The following PID1 variants were observed in gnomAD, a reference collection of about 807,000 sequenced individuals.
PID1 encodes PTB-containing, cubilin and LRP1-interacting protein.
Under a neutral mutation model 19.1 loss-of-function variants are expected in PID1, and 10 were observed. The ratio of observed to expected loss-of-function variants is 0.52; its 90% confidence interval spans 0.32 to 0.89. The LOEUF (loss-of-function observed/expected upper bound fraction) is 0.89. Ranked by LOEUF, PID1 falls within the 40% of genes least tolerant of loss-of-function variation. PID1 has a pLI of 0.03. For missense variants in PID1, 248 were observed against 285.3 expected (o/e 0.87, Z 0.94); for synonymous variants, 130 against 116.0 (o/e 1.12, Z -0.78).
At chr2:229,266,890 G>T (rs996889311) in intron 1 of PID1, among the ~76,000 whole-genome samples, 1 of 152,156 alleles carries the variant, frequency 6.6e-6, no homozygotes, top group African/African-American at 2.4e-5. Flanking sequence ...GGTCAGCCTG[G>T]AAAAGTATCA....
chr2:229,215,587 C>T (rs767130576), intron 1 of PID1, among the ~76,000 whole-genome samples: 4 of 152,162 alleles, frequency 2.6e-5, no homozygotes, highest in African/African-American at 4.8e-5. Context: ...CTGGGCGTTC[C>T]TACACTCAAC....
chr2:229,032,828 G>T (rs1252172010), intron 2 of PID1, among the ~76,000 whole-genome samples: 2 of 152,156 alleles, frequency 1.3e-5, no homozygotes, highest in Admixed American at 6.5e-5. Flanking sequence ...AAATGGACCT[G>T]CCCAACCCCA....
At chr2:229,107,397 G>T (rs1447392193) in intron 2 of PID1, among the ~76,000 whole-genome samples, 1 of 150,616 alleles carries the variant, frequency 6.6e-6, no homozygotes, top group African/African-American at 2.4e-5. Context: ...GGGAATAGGA[G>T]ACAATGAAAT....
At chr2:229,180,234 G>T (rs74846892) in intron 1 of PID1, among the ~76,000 whole-genome samples, 39 of 152,148 alleles carry the variant, frequency 2.6e-4, no homozygotes, top group African/African-American at 7.5e-4. Context: ...GATATTGGTC[G>T]ACTCATCAAA....
intron 2 of PID1, among the ~76,000 whole-genome samples, chr2:229,072,033 A>G (rs1016091120): frequency 1.3e-5 from 2 of 152,230 alleles, no homozygotes; most frequent in Non-Finnish European, 2.9e-5. Flanking sequence ...TCATGGGATC[A>G]TATACAAATC....
chr2:229,156,245 C>T (rs926159032), intron 1 of PID1, among the ~76,000 whole-genome samples: 2 of 152,116 alleles, frequency 1.3e-5, no homozygotes, highest in Non-Finnish European at 2.9e-5. Flanking sequence ...GCTCTTCCAA[C>T]GTACTGTATA....
At chr2:229,265,621 A>G (rs966448474) in intron 1 of PID1, among the ~76,000 whole-genome samples, 2 of 152,208 alleles carry the variant, frequency 1.3e-5, no homozygotes, top group African/African-American at 4.8e-5. Context: ...ATTTGTGTCC[A>G]CAGGGCTGAA....
chr2:229,047,272 T>C (rs1280304290), intron 2 of PID1, among the ~76,000 whole-genome samples: 1 of 152,134 alleles, frequency 6.6e-6, no homozygotes, highest in East Asian at 1.9e-4. Flanking sequence ...CCAGGTTCCC[T>C]TGAGATGATC....
chr2:229,160,707 G>T (rs1197155108), intron 1 of PID1, among the ~76,000 whole-genome samples: 1 of 152,118 alleles, frequency 6.6e-6, no homozygotes, highest in Admixed American at 6.6e-5. Flanking sequence ...AATATTTGAG[G>T]TGAAACAGAG....
intron 2 of PID1, among the ~76,000 whole-genome samples, chr2:229,118,790 A>C (rs1338107129): frequency 6.6e-6 from 1 of 152,230 alleles, no homozygotes; most frequent in Non-Finnish European, 1.5e-5. Context: ...CTAAAAGGGC[A>C]GGATCTTTGC....
At position 229,025,438 on chromosome 2, in the gene PID1, C is replaced by T. The variant is rs569100392; in HGVS notation, c.*194G>A. The T allele has an allele frequency of 3.4e-6, 2 of 587,150 alleles. No homozygotes were observed. Among genetic ancestry groups the T allele is most frequent in the Admixed American group, 3.0e-5 (1 of 33,244 alleles). The allele number at this position is 587,150 out of a possible 1,614,324, so 36.4% of individuals were successfully genotyped here. ...CCCACCCTCCTCACAGTCACAGCAG[C>T]AGCAGGTTTCAATGTAACGTAATTA... On this transcript the variant is annotated 3_prime_UTR_variant, in exon 3 of 3. Coordinates refer to ENST00000392055, the MANE Select transcript of PID1 (RefSeq NM_001100818.2).
chr2:229,137,875 G>A (rs1187979818), intron 2 of PID1, among the ~76,000 whole-genome samples: 1 of 152,180 alleles, frequency 6.6e-6, no homozygotes, highest in Non-Finnish European at 1.5e-5. Flanking sequence ...TGTTCTGTTT[G>A]AGACACTGGA....
chr2:229,124,093 T>C (rs1046765929), intron 2 of PID1, among the ~76,000 whole-genome samples: 1 of 152,336 alleles, frequency 6.6e-6, no homozygotes, highest in Non-Finnish European at 1.5e-5. Context: ...CTTCTCTGTA[T>C]GTGTTTGATA....
chr2:229,149,864 T>A (rs1272770392), intron 2 of PID1, among the ~76,000 whole-genome samples: 1 of 152,058 alleles, frequency 6.6e-6, no homozygotes, highest in Non-Finnish European at 1.5e-5. Flanking sequence ...GAACAAGCGC[T>A]GCCGGATAGG....
intron 2 of PID1, among the ~76,000 whole-genome samples, chr2:229,034,755 GTATA>G (rs143619216): frequency 6.7e-6 from 1 of 148,762 alleles, no homozygotes; most frequent in African/African-American, 2.5e-5. Context: ...CCTTTATTGT[GTATA>G]TATATATATA....
rs183551617 is a variant in PID1, at chr2:229,056,897, G to A, written c.178-30789C>T. ...AAGAAGAGAGAGGCAGGATCACCTG[G>A]TCCTTATGTAGCTAGAAGAGACAAC... On this transcript the variant is annotated intron_variant, in intron 2 of 2. Coordinates refer to ENST00000392055, the MANE Select transcript of PID1 (RefSeq NM_001100818.2). 4.0e-3 allele frequency among the ~76,000 whole-genome samples: 613 copies of A among 152,190 alleles called. 5 individuals carry two copies. Among genetic ancestry groups the A allele is most frequent in the African/African-American group, 0.014 (561 of 41,524 alleles).
chr2:229,205,655 G>T lies in PID1; in HGVS notation c.31-49691C>A, dbSNP rs369157495. 1.2e-4 allele frequency among the ~76,000 whole-genome samples: 18 copies of T among 152,102 alleles called. No individual in the cohort carries two copies. In the East Asian group the frequency reaches 2.7e-3, roughly 23 times the overall value. On this transcript the variant is annotated intron_variant, in intron 1 of 2. Transcript: ENST00000392055. ...TGTAGAGTTACAAGATCAGCAGCAG[G>T]GATCACAGGATTTGGGGAGGTCAAT...
intron 2 of PID1, among the ~76,000 whole-genome samples, chr2:229,112,264 T>C (rs148378770): frequency 6.6e-6 from 1 of 152,330 alleles, no homozygotes; most frequent in Non-Finnish European, 1.5e-5. Flanking sequence ...AGAGGAAGAA[T>C]TATTTTTAAG....
intron 2 of PID1, among the ~76,000 whole-genome samples, chr2:229,149,862 G>T (rs544304142): frequency 1.3e-5 from 2 of 152,122 alleles, no homozygotes; most frequent in Non-Finnish European, 2.9e-5. Flanking sequence ...AGGAACAAGC[G>T]CTGCCGGATA....
Sources: allele counts gnomAD v4.1 joint callset (sites outside exome capture counted in the v4.1 genomes callset), GRCh38; gene constraint gnomAD v4.1.1; transcripts MANE v1.5; gene names NCBI Gene and HGNC (gene_info 2026-07-23, HGNC 2026-07-21).